The following IGF2 variants were observed in gnomAD, a reference collection of about 807,000 sequenced individuals.
IGF2 encodes insulin like growth factor 2.
A neutral mutation model predicts 12.0 loss-of-function variants in IGF2; 2 were observed. That is an observed-to-expected ratio of 0.17 (90% CI 0.07 to 0.52). IGF2 has a LOEUF of 0.52. Ranked by LOEUF, IGF2 falls within the 20% of genes least tolerant of loss-of-function variation. The probability of loss-of-function intolerance (pLI) is 0.95; values close to 1 mark genes in which losing one functional copy is unlikely to be tolerated. For synonymous variants in IGF2, 105 were observed against 110.1 expected, an observed-to-expected ratio of 0.95 and a Z score of 0.29; for missense variants, 211 against 268.0, an observed-to-expected ratio of 0.79 and a Z score of 1.48.
chr11:2,138,598 C>G lies in IGF2; in HGVS notation c.-376G>C. 1 of 965,966 alleles carries G rather than the reference C, an allele frequency of 1.0e-6. No individual in the cohort carries two copies. Among genetic ancestry groups the G allele is most frequent in the Non-Finnish European group, 1.2e-6 (1 of 814,330 alleles). 59.8% of individuals were successfully genotyped at this position (965,966 alleles called of 1,614,324 possible). ...AAGAGAGGGCGAGGGGGAGAGAGGA[C>G]AGCGAGAGGCGGGCAGGCGCACAGC... On this transcript the variant is annotated 5_prime_UTR_variant, in exon 1 of 4. Transcript: ENST00000416167.
intron 1 of IGF2, among the ~76,000 whole-genome samples, chr11:2,137,970 T>TCACACCTC (rs935753923): frequency 4.0e-5 from 6 of 151,574 alleles, no homozygotes; most frequent in African/African-American, 1.5e-4. Context: ...TGCAGACACC[T>TCACACCTC]CACACCTCCC....
At position 2,138,703 on chromosome 11, in the gene IGF2, AGGG is replaced by A; in HGVS notation, c.-484_-482del. ...CGGCGAAGGCGAGAGGGCGGGCGTG[AGGG>A]GGGGAGGGAGTCGGAGGCTAGGAGC... On this transcript the variant is annotated 5_prime_UTR_variant, in exon 1 of 4. Transcript: ENST00000416167. 3 of 217,816 alleles carry A rather than the reference AGGG, an allele frequency of 1.4e-5. No homozygotes were observed. The highest frequency in any genetic ancestry group is 1.6e-5 in the Non-Finnish European group (3 of 182,416). The allele number at this position is 217,816 out of a possible 1,614,324, so 13.5% of individuals were successfully genotyped here.
chr11:2,140,834 G>T, upstream of IGF2: 1 of 331,526 alleles, frequency 3.0e-6, no homozygotes, highest in Non-Finnish European at 5.8e-6. Flanking sequence ...AGGCGGAGGG[G>T]ATCGGCGCGG....
chr11:2,142,659 AT>A (rs1859673171), upstream of IGF2, among the ~76,000 whole-genome samples: 1 of 152,176 alleles, frequency 6.6e-6, no homozygotes, highest in African/African-American at 2.4e-5. This position sits in a 1 kb window ranked among gnomAD's most constrained non-coding sequence, Gnocchi z 5.7. Flanking sequence ...CAATGCCTGA[AT>A]TTTAGAAAAG....
At chr11:2,138,141 G>A (rs1859223004) in intron 1 of IGF2, 88 bp downstream of exon 1, 3 of 849,472 alleles carry the variant, frequency 3.5e-6, no homozygotes, top group South Asian at 1.1e-4. Context: ...GCCCCGGGCC[G>A]GGAGCGGGCG....
chr11:2,140,941 G>A, upstream of IGF2: 1 of 345,080 alleles, frequency 2.9e-6, no homozygotes, highest in Non-Finnish European at 5.5e-6. Flanking sequence ...GGTGGACGCT[G>A]CTGAAGGTGA....
the IGF2 span, chr11:2,146,897 T>C: frequency 3.7e-4 from 58 of 158,814 alleles, no homozygotes; most frequent in African/African-American, 1.3e-3. Flanking sequence ...CAGAGGCCAC[T>C]GGCTGGGCCT....
rs1034101823 is a variant in IGF2 at position 2,133,372 on chromosome 11, A to T, written c.306+145T>A. The T allele has an allele frequency of 9.5e-7, 1 of 1,048,538 alleles. No individual in the cohort carries two copies. The highest frequency in any genetic ancestry group is 1.7e-5 in the South Asian group (1 of 59,868). 65.0% of individuals were successfully genotyped at this position (1,048,538 alleles called of 1,614,324 possible). ...GAGGGACAGAAGGAGCCAGCGTCTGAGCTGCTCCCGGGCCACACAGCAAGC... is the reference window on the plus strand; with the variant it reads ...GAGGGACAGAAGGAGCCAGCGTCTGTGCTGCTCCCGGGCCACACAGCAAGC... On this transcript the variant is annotated intron_variant, in intron 3 of 3. Coordinates refer to ENST00000416167, the MANE Select transcript of IGF2 (RefSeq NM_000612.6). The surrounding 1 kb of genome is among the most constrained non-coding windows in gnomAD (Gnocchi z 8.9).
chr11:2,133,017 G>A lies in IGF2; in HGVS notation c.513C>T (p.Ala171=), dbSNP rs1858719337. 1 of 1,552,446 alleles carries A rather than the reference G, an allele frequency of 6.4e-7. No individual in the cohort carries two copies. The highest frequency in any genetic ancestry group is 2.3e-5 in the East Asian group (1 of 42,862). The change falls in exon 4 of 4, where the codon GCC becomes GCT. Residue 171 remains alanine, a synonymous_variant. Coordinates refer to ENST00000416167, the MANE Select transcript of IGF2 (RefSeq NM_000612.6). This position sits in a 1 kb window ranked among gnomAD's most constrained non-coding sequence, Gnocchi z 8.9. ...TCCGATTGCTGGCCATCTCTGGGGG[G>A]GCGCCCCCGTGGGCGGGGTCTTGGG... ...LPTQDPAHGG[A]PPEMASNRK
the IGF2 span, chr11:2,149,308 C>G: frequency 1.9e-6 from 3 of 1,613,092 alleles, no homozygotes; most frequent in African/African-American, 4.0e-5. Context: ...GACCCTCTGG[C>G]CAGGTTGACG....
intron 1 of IGF2, chr11:2,137,216 C>CAGG (rs993244122): frequency 1.0e-5 from 10 of 993,122 alleles, no homozygotes; most frequent in South Asian, 4.5e-5. Flanking sequence ...CTCGCTGGGG[C>CAGG]AGGAGGAGGA....
At chr11:2,134,022 C>T (rs781344159) in intron 2 of IGF2, 4 of 417,896 alleles carry the variant, frequency 9.6e-6, no homozygotes, top group African/African-American at 6.3e-5. Context: ...GTTCAGGGGC[C>T]CCCACAGGAG....
intron 2 of IGF2, 63 bp downstream of exon 2, chr11:2,135,304 G>T: frequency 7.1e-7 from 1 of 1,412,498 alleles, no homozygotes; most frequent in Admixed American, 2.5e-5. Context: ...TTGAGGTTGG[G>T]CGTCCTCACC....
upstream of IGF2, among the ~76,000 whole-genome samples, chr11:2,144,213 C>T (rs2133628961): frequency 6.6e-6 from 1 of 152,306 alleles, no homozygotes. Context: ...ACGCTGCTTC[C>T]CGGGCGCTCC....
At chr11:2,145,591 AG>A (rs1483937624), upstream of IGF2, among the ~76,000 whole-genome samples, 1 of 152,158 alleles carries the variant, frequency 6.6e-6, no homozygotes, top group African/African-American at 2.4e-5. Flanking sequence ...GCCTTCCCCC[AG>A]GGGGCCACCG....
At chr11:2,140,010 G>A (rs1590130081), upstream of IGF2, 2 of 890,530 alleles carry the variant, frequency 2.2e-6, no homozygotes, top group East Asian at 3.2e-5. Flanking sequence ...CGGAGCCCCC[G>A]CCAGGTGCGG....
chr11:2,132,978 C>CA lies in IGF2; in HGVS notation c.*8dup. On this transcript the variant is annotated 3_prime_UTR_variant, in exon 4 of 4. Transcript: ENST00000416167. ...GTGGCGCCGGGCTGCAGACTTGCGGCAGTTTTGCTCACTTCCGATTGCTGG... is the reference window on the plus strand; with the variant it reads ...GTGGCGCCGGGCTGCAGACTTGCGGCAAGTTTTGCTCACTTCCGATTGCTGG... 1 of 1,486,714 alleles carries CA rather than the reference C, an allele frequency of 6.7e-7. No homozygotes were observed. Among genetic ancestry groups the CA allele is most frequent in the Non-Finnish European group, 9.0e-7 (1 of 1,112,786 alleles). The allele number at this position is 1,486,714 out of a possible 1,614,324, so 92.1% of individuals were successfully genotyped here. A position where few individuals can be genotyped will look rare whatever the true frequency, so the allele number is the denominator to read the frequency against.
At chr11:2,140,342 C>T (rs774009231), upstream of IGF2, 2 of 1,569,932 alleles carry the variant, frequency 1.3e-6, no homozygotes, top group East Asian at 2.3e-5. Context: ...TGATTTTTAC[C>T]AAGTCAAAAA....
rs889905285 is a variant in IGF2, at chr11:2,133,463, C to G, written c.306+54G>C. ...GAGGCCACAGGAAACGCTGGGCGCC[C>G]GAAGCCCTATTTCTCTGTCTCTAGA... On this transcript the variant is annotated intron_variant, in intron 3 of 3. Transcript: ENST00000416167. This position sits in a 1 kb window ranked among gnomAD's most constrained non-coding sequence, Gnocchi z 8.9. 2 of 1,539,538 alleles carry G rather than the reference C, an allele frequency of 1.3e-6. No homozygotes were observed.
Sources: allele counts gnomAD v4.1 joint callset (sites outside exome capture counted in the v4.1 genomes callset), GRCh38; gene constraint gnomAD v4.1.1; non-coding constraint Gnocchi (gnomAD v3.1); transcripts MANE v1.5; gene names NCBI Gene and HGNC (gene_info 2026-07-23, HGNC 2026-07-21).